Variants in LYZL1 observed in about 807,000 individuals in gnomAD.
LYZL1 encodes lysozyme like 1.
A neutral mutation model predicts 17.9 loss-of-function variants in LYZL1; 16 were observed. That is an observed-to-expected ratio of 0.90 (90% CI 0.61 to 1.36). The LOEUF (loss-of-function observed/expected upper bound fraction) is 1.36, where lower values mean the gene tolerates loss of function less well. Among genes scored for constraint, LYZL1 ranks in the 40% most tolerant of loss-of-function variants. The pLI, the probability that LYZL1 is intolerant of heterozygous loss-of-function variation, is 0.00. For missense variants in LYZL1, 149 were observed against 188.4 expected, an observed-to-expected ratio of 0.79 and a Z score of 1.22; for synonymous variants, 58 against 71.8, an observed-to-expected ratio of 0.81 and a Z score of 0.97.
chr10:29,318,077 G>A, intron 4 of LYZL1: 2 of 691,422 alleles, frequency 2.9e-6, no homozygotes, highest in Non-Finnish European at 3.6e-6. Flanking sequence ...TGAAATAAAG[G>A]CATGTTCAAA....
At chr10:29,306,852 G>T (rs1325635435) in intron 3 of LYZL1, among the ~76,000 whole-genome samples, 9 of 150,022 alleles carry the variant, frequency 6.0e-5, no homozygotes, top group Non-Finnish European at 1.2e-4. Context: ...GAGAGAGAGA[G>T]AGAGAGAGAG....
intron 3 of LYZL1, among the ~76,000 whole-genome samples, chr10:29,302,417 A>C (rs1835532017): frequency 6.6e-6 from 1 of 152,098 alleles, no homozygotes; most frequent in Non-Finnish European, 1.5e-5. Context: ...AAAGGCCGGC[A>C]CGAGGGATGC....
intron 3 of LYZL1, among the ~76,000 whole-genome samples, chr10:29,303,079 A>C (rs1835543389): frequency 6.6e-6 from 1 of 152,126 alleles, no homozygotes; most frequent in Non-Finnish European, 1.5e-5. Context: ...CGAGGTCTGT[A>C]ATTGCCCTGT....
At chr10:29,294,762 A>AGAT (rs1248176046) in intron 3 of LYZL1, among the ~76,000 whole-genome samples, 1 of 152,184 alleles carries the variant, frequency 6.6e-6, no homozygotes, top group African/African-American at 2.4e-5. Flanking sequence ...TATTGAAGGG[A>AGAT]GATACATCCC....
At chr10:29,299,161 A>T (rs1423569086) in intron 3 of LYZL1, among the ~76,000 whole-genome samples, 10 of 152,172 alleles carry the variant, frequency 6.6e-5, no homozygotes, top group Non-Finnish European at 1.5e-4. Context: ...ACAGGAGGTG[A>T]AGCTCAGGTG....
rs1375188987 is a variant in LYZL1 at position 29,292,503 on chromosome 10, G to T, written c.140-16G>T. ...TGCACTTCCTTTGCTGGCGTTTCTG[G>T]CTTTCCCCCCTCCAGGGATCTGCAT... On this transcript the variant is annotated splice_polypyrimidine_tract_variant and intron_variant, in intron 2 of 4. Coordinates refer to ENST00000649382, the MANE Select transcript of LYZL1 (RefSeq NM_032517.6). 1.2e-6 allele frequency: 2 copies of T among 1,610,840 alleles called. No individual in the cohort carries two copies. The highest frequency in any genetic ancestry group is 1.7e-6 in the Non-Finnish European group (2 of 1,178,734).
chr10:29,304,454 C>T (rs1037086175), intron 3 of LYZL1, among the ~76,000 whole-genome samples: 2 of 152,126 alleles, frequency 1.3e-5, no homozygotes, highest in Non-Finnish European at 2.9e-5. Context: ...CTAGATTTCA[C>T]TTGGGAGGCA....
intron 3 of LYZL1, among the ~76,000 whole-genome samples, chr10:29,302,798 A>G (rs568391851): frequency 6.6e-6 from 1 of 152,232 alleles, no homozygotes; most frequent in South Asian, 2.1e-4. Context: ...TTGCCTACCT[A>G]TCCTGCCTCA....
intron 3 of LYZL1, among the ~76,000 whole-genome samples, chr10:29,294,208 G>A (rs538031818): frequency 6.6e-6 from 1 of 152,178 alleles, no homozygotes; most frequent in African/African-American, 2.4e-5. Context: ...TCCCAGGGAA[G>A]GCAGGTGGAG....
intron 3 of LYZL1, among the ~76,000 whole-genome samples, chr10:29,296,383 TA>T (rs1204592538): frequency 6.6e-6 from 1 of 152,122 alleles, no homozygotes; most frequent in Non-Finnish European, 1.5e-5. Context: ...CTGAAATCAG[TA>T]GCATTAGCTA....
chr10:29,295,327 C>T (rs943476543), intron 3 of LYZL1, among the ~76,000 whole-genome samples: 1 of 152,188 alleles, frequency 6.6e-6, no homozygotes, highest in African/African-American at 2.4e-5. Context: ...AACTTATTAA[C>T]TGTATGCAAA....
chr10:29,297,365 T>A (rs1835460089), intron 3 of LYZL1, among the ~76,000 whole-genome samples: 1 of 152,216 alleles, frequency 6.6e-6, no homozygotes, highest in South Asian at 2.1e-4. Flanking sequence ...CTAAAGAGCA[T>A]GTGATTTCAA....
intron 3 of LYZL1, among the ~76,000 whole-genome samples, chr10:29,300,879 T>A (rs889213603): frequency 6.6e-6 from 1 of 152,196 alleles, no homozygotes; most frequent in Non-Finnish European, 1.5e-5. Flanking sequence ...TGGAGTGCAG[T>A]GGCATGATCA....
At chr10:29,302,407 A>T (rs1023764525) in intron 3 of LYZL1, among the ~76,000 whole-genome samples, 1 of 143,862 alleles carries the variant, frequency 7.0e-6, no homozygotes, top group Non-Finnish European at 1.5e-5. Context: ...ATGAGACATC[A>T]AAGGCCGGCA....
chr10:29,290,785 G>A (rs1420490671), intron 1 of LYZL1, among the ~76,000 whole-genome samples: 1 of 152,126 alleles, frequency 6.6e-6, no homozygotes, highest in Non-Finnish European at 1.5e-5. Flanking sequence ...TTTGGAGTGA[G>A]CCCAGATGGC....
chr10:29,290,395 C>T (rs117174806), intron 1 of LYZL1, among the ~76,000 whole-genome samples: 1,692 of 152,260 alleles, frequency 0.011, 12 homozygotes, highest in Non-Finnish European at 0.015. Context: ...CTCTTTATTG[C>T]CCCTCTGCTC....
intron 1 of LYZL1, among the ~76,000 whole-genome samples, chr10:29,291,112 C>T (rs373771432): frequency 1.0e-4 from 15 of 150,402 alleles, no homozygotes; most frequent in South Asian, 4.5e-4. Flanking sequence ...CTGCATGTAA[C>T]TTTTGACTCC....
intron 3 of LYZL1, among the ~76,000 whole-genome samples, chr10:29,303,736 C>G (rs960927837): frequency 6.6e-6 from 1 of 152,152 alleles, no homozygotes; most frequent in African/African-American, 2.4e-5. Flanking sequence ...ACTAACCACC[C>G]TCCATGAAAG....
intron 3 of LYZL1, among the ~76,000 whole-genome samples, chr10:29,293,127 C>CTTTTTTTTTTTTTTTTTTTTTTTTTTT (rs778807136): frequency 5.8e-5 from 6 of 104,196 alleles, no homozygotes; most frequent in African/African-American, 1.4e-4. Flanking sequence ...CTTTTCTTTT[C>CTTTTTTTTTTTTTTTTTTTTTTTTTTT]TTTTTTCTTT....
Sources: gnomAD v4.1 joint callset for allele counts (sites outside exome capture counted in the v4.1 genomes callset) on GRCh38, gnomAD v4.1.1 for gene constraint, MANE v1.5 for transcripts, NCBI Gene and HGNC (gene_info 2026-07-23, HGNC 2026-07-21) for gene names.